The following EVI5 variants were observed in gnomAD, a reference collection of about 807,000 sequenced individuals.
EVI5 encodes the protein ecotropic viral integration site 5, also known as ecotropic viral integration site 5 protein homolog.
EVI5 carries 73 observed loss-of-function variants against 112.0 expected under a neutral mutation model. The observed-to-expected ratio is 0.65, with a 90% CI of 0.54 to 0.79. EVI5 has a LOEUF of 0.79. Ranked by LOEUF, EVI5 falls within the 30% of genes least tolerant of loss-of-function variation. EVI5 has a pLI of 0.00. For missense variants in EVI5, 900 were observed against 968.8 expected, an observed-to-expected ratio of 0.93 and a Z score of 0.94; for synonymous variants, 305 against 319.9, an observed-to-expected ratio of 0.95 and a Z score of 0.50.
At chr1:92,783,546 G>C (rs1021671231) in intron 1 of EVI5, among the ~76,000 whole-genome samples, 5 of 150,972 alleles carry the variant, frequency 3.3e-5, no homozygotes, top group Admixed American at 3.3e-4. Context: ...GGGCACGGTG[G>C]CTCACGCCTG....
chr1:92,746,859 C>T (rs1416143194), intron 1 of EVI5, among the ~76,000 whole-genome samples: 1 of 149,676 alleles, frequency 6.7e-6, no homozygotes, highest in Non-Finnish European at 1.5e-5. Flanking sequence ...CATACCACTG[C>T]TCTCCAGCCT....
intron 1 of EVI5, among the ~76,000 whole-genome samples, chr1:92,773,465 T>A (rs908133085): frequency 1.3e-5 from 2 of 152,104 alleles, no homozygotes; most frequent in African/African-American, 4.8e-5. Flanking sequence ...AATTCCAGAC[T>A]GGGCAACAGA....
intron 9 of EVI5, among the ~76,000 whole-genome samples, chr1:92,679,590 T>C (rs183426593): frequency 6.6e-6 from 1 of 152,330 alleles, no homozygotes; most frequent in East Asian, 1.9e-4. Flanking sequence ...AGAGATTCCA[T>C]GTATCCCATC....
chr1:92,674,514 C>T (rs1035807147), intron 10 of EVI5, among the ~76,000 whole-genome samples: 4 of 151,880 alleles, frequency 2.6e-5, no homozygotes, highest in African/African-American at 9.7e-5. Flanking sequence ...GGGAGGGGAA[C>T]ATCACACACT....
chr1:92,668,057 CA>C (rs1378280804), intron 10 of EVI5, among the ~76,000 whole-genome samples: 5 of 152,086 alleles, frequency 3.3e-5, no homozygotes, highest in Admixed American at 3.3e-4. Flanking sequence ...ATTATTTTGC[CA>C]GTAAAGACTT....
At chr1:92,563,045 T>C (rs912741099) in intron 19 of EVI5, among the ~76,000 whole-genome samples, 4 of 152,142 alleles carry the variant, frequency 2.6e-5, no homozygotes, top group Non-Finnish European at 4.4e-5. Flanking sequence ...CATTAACATA[T>C]CTCTCTAATC....
intron 9 of EVI5, among the ~76,000 whole-genome samples, chr1:92,678,061 G>A (rs1243520100): frequency 6.6e-6 from 1 of 152,116 alleles, no homozygotes; most frequent in Non-Finnish European, 1.5e-5. Context: ...GAAGGCGAAG[G>A]CAGGGAGGGG....
chr1:92,768,512 C>G (rs1204754129), intron 1 of EVI5, among the ~76,000 whole-genome samples: 1 of 152,200 alleles, frequency 6.6e-6, no homozygotes, highest in Non-Finnish European at 1.5e-5. Flanking sequence ...TCTCCTAGAG[C>G]TCAGGTGATT....
At chr1:92,648,074 C>T (rs1312988250) in intron 13 of EVI5, among the ~76,000 whole-genome samples, 3 of 135,012 alleles carry the variant, frequency 2.2e-5, no homozygotes, top group South Asian at 2.8e-4. Context: ...TGGCCAGGCA[C>T]GGTGGCTCAC....
chr1:92,540,604 T>G (rs1001784542), intron 19 of EVI5, among the ~76,000 whole-genome samples: 2 of 152,222 alleles, frequency 1.3e-5, no homozygotes, highest in Admixed American at 1.3e-4. Flanking sequence ...TGATTTGATT[T>G]TTTTCTTCCA....
At chr1:92,569,740 G>A (rs1428939481) in intron 18 of EVI5, among the ~76,000 whole-genome samples, 2 of 150,792 alleles carry the variant, frequency 1.3e-5, no homozygotes, top group African/African-American at 4.9e-5. Flanking sequence ...TGTAATCCCA[G>A]CTACTCAGGA....
chr1:92,768,745 C>T (rs1682991612), intron 1 of EVI5, among the ~76,000 whole-genome samples: 1 of 152,094 alleles, frequency 6.6e-6, no homozygotes, highest in African/African-American at 2.4e-5. Context: ...TGTGGCAGCA[C>T]ATGCCTGTAG....
intron 11 of EVI5, among the ~76,000 whole-genome samples, chr1:92,665,086 T>C (rs989671311): frequency 6.6e-6 from 1 of 152,178 alleles, no homozygotes; most frequent in Non-Finnish European, 1.5e-5. Flanking sequence ...ACGCCTATAA[T>C]CCCAGCTACT....
rs141844093 is a variant in EVI5, at chr1:92,742,335, T to C, written c.-81-5708A>G. Among the ~76,000 whole-genome samples the C allele has an allele frequency of 6.8e-3, 1,028 of 152,116 alleles. 11 individuals carry two copies. The highest frequency in any genetic ancestry group is 0.023 in the African/African-American group (944 of 41,526). Reference sequence around the variant, plus strand: ...TCAGCCTCCTGAGTAGCTGGTACTATAGGCACGAGCCACTGTGCCCAGCTA... The same window carrying C: ...TCAGCCTCCTGAGTAGCTGGTACTACAGGCACGAGCCACTGTGCCCAGCTA... On this transcript the variant is annotated intron_variant, in intron 1 of 19. Coordinates refer to ENST00000684568, the MANE Select transcript of EVI5 (RefSeq NM_001350197.2).
chr1:92,768,006 G>A (rs944863759), intron 1 of EVI5, among the ~76,000 whole-genome samples: 5 of 151,096 alleles, frequency 3.3e-5, no homozygotes, highest in African/African-American at 1.2e-4. Flanking sequence ...CTTGAACCTC[G>A]GAGGCGGAGG....
intron 16 of EVI5, among the ~76,000 whole-genome samples, chr1:92,622,710 T>C (rs1215043093): frequency 6.6e-6 from 1 of 152,230 alleles, no homozygotes; most frequent in Admixed American, 6.5e-5. Context: ...CCAGTCCAAA[T>C]ACTGGCATTT....
intron 19 of EVI5, among the ~76,000 whole-genome samples, chr1:92,521,170 C>G (rs1660868043): frequency 6.6e-6 from 1 of 151,962 alleles, no homozygotes; most frequent in South Asian, 2.1e-4. Flanking sequence ...CTATGTTGCC[C>G]AGCCTGGTCT....
intron 19 of EVI5, among the ~76,000 whole-genome samples, chr1:92,521,932 C>T (rs995150338): frequency 1.5e-4 from 23 of 152,116 alleles, no homozygotes; most frequent in South Asian, 4.1e-4. Flanking sequence ...ACCCACAATC[C>T]GGAGATAATC....
intron 1 of EVI5, among the ~76,000 whole-genome samples, chr1:92,776,484 C>T (rs1218246793): frequency 1.3e-5 from 2 of 152,114 alleles, no homozygotes; most frequent in East Asian, 3.8e-4. Flanking sequence ...GTTAACTATA[C>T]ACTAAAATCT....
Sources: allele counts gnomAD v4.1 joint callset (sites outside exome capture counted in the v4.1 genomes callset), GRCh38; gene constraint gnomAD v4.1.1; transcripts MANE v1.5; gene names NCBI Gene and HGNC (gene_info 2026-07-23, HGNC 2026-07-21).